The following SRFBP1 variants were observed in gnomAD, a reference collection of about 807,000 sequenced individuals.
SRFBP1 encodes the protein serum response factor binding protein 1.
SRFBP1 carries 47 observed loss-of-function variants against 45.5 expected under a neutral mutation model. The ratio of observed to expected loss-of-function variants is 1.03; its 90% CI spans 0.82 to 1.32. The LOEUF (loss-of-function observed/expected upper bound fraction) is 1.32. Among genes scored for constraint, SRFBP1 ranks in the 40% most tolerant of loss-of-function variants. SRFBP1 has a pLI of 0.00. For synonymous variants in SRFBP1, 203 were observed against 166.3 expected (o/e 1.22, Z -1.70); for missense variants, 621 against 484.6 (o/e 1.28, Z -2.64).
chr5:122,072,328 G>A (rs184119173), intron 2 of SRFBP1, among the ~76,000 whole-genome samples: 1 of 152,318 alleles, frequency 6.6e-6, no homozygotes, highest in East Asian at 1.9e-4. Flanking sequence ...GGCATTTCAT[G>A]TAGGCAAAGT....
Position 122,020,349 on chromosome 5 carries a change from C to T in SRFBP1, c.614C>T (p.Ser205Leu), listed in dbSNP as rs1184088447. 6.2e-7 allele frequency: 1 copy of T among 1,614,040 alleles called. No homozygotes were observed. Among genetic ancestry groups the T allele is most frequent in the Non-Finnish European group, 8.5e-7 (1 of 1,179,966 alleles). ...GCAGTGACTATTGCAAATTCTCCATCAAAGCCTTCAGAAAAGGATTCTGTA... is the reference window on the plus strand; with the variant it reads ...GCAGTGACTATTGCAAATTCTCCATTAAAGCCTTCAGAAAAGGATTCTGTA... ...PKAVTIANSP[S>L]KPSEKDSVVS... Residue 205 changes from serine to leucine, a missense_variant, in exon 6 of 8, where the codon TCA (serine) becomes TTA (leucine). Physicochemically the swap from Ser to Leu is moderately radical, Grantham distance 145. Coordinates refer to ENST00000339397, the MANE Select transcript of SRFBP1 (RefSeq NM_152546.3).
At chr5:121,990,254 A>G (rs1310944649) in intron 3 of SRFBP1, among the ~76,000 whole-genome samples, 1 of 152,208 alleles carries the variant, frequency 6.6e-6, no homozygotes, top group East Asian at 1.9e-4. Flanking sequence ...AAAAAGAATG[A>G]AATCGTGTCA....
intron 3 of SRFBP1, among the ~76,000 whole-genome samples, chr5:121,985,849 G>A (rs1026792640): frequency 1.3e-5 from 2 of 151,798 alleles, no homozygotes; most frequent in Non-Finnish European, 2.9e-5. Context: ...ATAAATTTAA[G>A]TTATTGTTTA....
At chr5:122,070,640 T>G (rs775371561) in intron 2 of SRFBP1, 3 of 921,886 alleles carry the variant, frequency 3.3e-6, no homozygotes, top group Middle Eastern at 2.8e-4. Flanking sequence ...GGTCAGACTA[T>G]GATAAATAAT....
At chr5:122,041,468 T>A (rs149702443) in intron 2 of SRFBP1, among the ~76,000 whole-genome samples, 145 of 152,256 alleles carry the variant, frequency 9.5e-4, no homozygotes, top group African/African-American at 3.4e-3. Flanking sequence ...GAGCTCCTCA[T>A]ATGTTAAAGG....
At chr5:121,962,721 T>A (rs1751976016) in intron 1 of SRFBP1, among the ~76,000 whole-genome samples, 2 of 152,168 alleles carry the variant, frequency 1.3e-5, no homozygotes, top group African/African-American at 2.4e-5. Context: ...AAAATACCAT[T>A]TCTACCACTT....
intron 2 of SRFBP1, among the ~76,000 whole-genome samples, chr5:122,033,799 T>C (rs1753629879): frequency 1.3e-5 from 2 of 151,138 alleles, no homozygotes; most frequent in South Asian, 4.2e-4. Context: ...TGGAAGACCT[T>C]AGATATTCTT....
At chr5:122,010,282 CTTG>C (rs1166535701) in intron 4 of SRFBP1, among the ~76,000 whole-genome samples, 3 of 151,926 alleles carry the variant, frequency 2.0e-5, no homozygotes, top group Admixed American at 1.3e-4. Context: ...CCTTTTTGTT[CTTG>C]TTGTTTTGTC....
intron 1 of SRFBP1, among the ~76,000 whole-genome samples, chr5:121,967,984 A>G (rs2112811982): frequency 6.6e-6 from 1 of 152,068 alleles, no homozygotes; most frequent in Non-Finnish European, 1.5e-5. Context: ...AATTCCACCC[A>G]TCTTCTTTTC....
chr5:122,046,204 A>C (rs927869901), intron 2 of SRFBP1, among the ~76,000 whole-genome samples: 27 of 149,528 alleles, frequency 1.8e-4, no homozygotes, highest in South Asian at 2.1e-4. Flanking sequence ...ACCCCCCCTC[A>C]CCCCACAACA....
intron 2 of SRFBP1, among the ~76,000 whole-genome samples, chr5:121,974,490 G>T (rs1752263159): frequency 6.6e-6 from 1 of 151,908 alleles, no homozygotes. Context: ...CATTGCTCAA[G>T]ATACAGGATG....
intron 2 of SRFBP1, among the ~76,000 whole-genome samples, chr5:122,037,781 G>T (rs1312647971): frequency 6.6e-6 from 1 of 151,994 alleles, no homozygotes; most frequent in East Asian, 1.9e-4. Context: ...ATTTCCCAAG[G>T]TACTGGGATT....
Position 121,986,522 on chromosome 5 carries a change from A to G in SRFBP1, c.199-8077A>G, listed in dbSNP as rs1401476524. On this transcript the variant is annotated intron_variant, in intron 3 of 7. Coordinates refer to ENST00000339397, the MANE Select transcript of SRFBP1 (RefSeq NM_152546.3). Reference sequence around the variant, plus strand: ...ATGTTTATTAATAGGGCCTTATTTTATTCTCATATGGGCCCTAGTCTGAAC... The same window carrying G: ...ATGTTTATTAATAGGGCCTTATTTTGTTCTCATATGGGCCCTAGTCTGAAC... Among the ~76,000 whole-genome samples, 3 of 152,020 alleles carry G rather than the reference A, an allele frequency of 2.0e-5. No homozygotes were observed. The East Asian group carries it at 5.8e-4, about 29-fold the overall frequency.
downstream of SRFBP1, among the ~76,000 whole-genome samples, chr5:122,028,802 A>T (rs1753541938): frequency 6.6e-6 from 1 of 152,198 alleles, no homozygotes; most frequent in Non-Finnish European, 1.5e-5. Flanking sequence ...CAGACTGTGA[A>T]GTTGGGGTCA....
intron 4 of SRFBP1, among the ~76,000 whole-genome samples, chr5:122,003,534 G>T (rs1752917252): frequency 6.6e-6 from 1 of 152,016 alleles, no homozygotes; most frequent in Non-Finnish European, 1.5e-5. Context: ...TATGTCCTTA[G>T]CATACTGATT....
intron 7 of SRFBP1, among the ~76,000 whole-genome samples, chr5:122,023,999 T>C (rs1454646950): frequency 6.6e-6 from 1 of 152,208 alleles, no homozygotes; most frequent in Non-Finnish European, 1.5e-5. Context: ...ATACATTTAG[T>C]CTTATCTCTG....
intron 2 of SRFBP1, among the ~76,000 whole-genome samples, chr5:122,055,574 A>C (rs1754064413): frequency 6.6e-6 from 1 of 152,220 alleles, no homozygotes; most frequent in Non-Finnish European, 1.5e-5. Context: ...ATTTGATTAA[A>C]TATATCATTC....
intron 1 of SRFBP1, among the ~76,000 whole-genome samples, chr5:121,970,721 G>A (rs759730809): frequency 1.3e-5 from 2 of 152,040 alleles, no homozygotes; most frequent in Non-Finnish European, 2.9e-5. Context: ...TAGACAGTGT[G>A]TATTGCTACA....
At chr5:122,058,515 G>C (rs1046955727) in intron 2 of SRFBP1, among the ~76,000 whole-genome samples, 22 of 147,706 alleles carry the variant, frequency 1.5e-4, no homozygotes, top group African/African-American at 4.6e-4. Flanking sequence ...ATAGCTGTGA[G>C]AAGACAATGA....
Sources: allele counts gnomAD v4.1 joint callset (sites outside exome capture counted in the v4.1 genomes callset), GRCh38; gene constraint gnomAD v4.1.1; transcripts MANE v1.5; gene names NCBI Gene and HGNC (gene_info 2026-07-23, HGNC 2026-07-21).